The following AGMO variants were observed in gnomAD, a reference collection of about 807,000 sequenced individuals.
The protein encoded by AGMO is alkylglycerol monooxygenase, also known as glyceryl-ether monooxygenase.
AGMO carries 75 observed loss-of-function variants against 60.2 expected under a neutral mutation model. The ratio of observed to expected loss-of-function variants is 1.25; its 90% confidence interval spans 1.03 to 1.51. The LOEUF (loss-of-function observed/expected upper bound fraction) is 1.51. Among genes scored for constraint, AGMO ranks in the 40% most tolerant of loss-of-function variants. The pLI is 0.00. For missense variants in AGMO, 763 were observed against 525.5 expected (o/e 1.45, Z -4.42); for synonymous variants, 261 against 177.1 (o/e 1.47, Z -3.76).
At chr7:15,155,419 C>CTTTTTTTTT in the AGMO span, among the ~76,000 whole-genome samples, 54 of 63,928 alleles carry the variant, frequency 8.4e-4, 1 homozygote, top group Admixed American at 9.8e-4. Context: ...TACAGAATTT[C>CTTTTTTTTT]TTTTTTTTTT....
chr7:15,521,029 A>G (rs1308419305), intron 3 of AGMO, among the ~76,000 whole-genome samples: 1 of 152,218 alleles, frequency 6.6e-6, no homozygotes, highest in Non-Finnish European at 1.5e-5. Flanking sequence ...CACTGATCCC[A>G]CAGAAATACA....
At chr7:15,313,529 CAG>C (rs1402605971) in intron 12 of AGMO, among the ~76,000 whole-genome samples, 1 of 152,114 alleles carries the variant, frequency 6.6e-6, no homozygotes, top group Non-Finnish European at 1.5e-5. Flanking sequence ...TTATATTTTG[CAG>C]AGTCAAAGGA....
chr7:15,394,243 T>C (rs1583501974), intron 5 of AGMO, 64 bp from the exon 6 acceptor site: 3 of 1,183,734 alleles, frequency 2.5e-6, no homozygotes, highest in East Asian at 2.4e-5. Context: ...AGTATATAAA[T>C]GCTCACATTA....
chr7:15,436,097 G>A (rs28542942), intron 3 of AGMO, among the ~76,000 whole-genome samples: 12,433 of 152,132 alleles, frequency 0.082, 679 homozygotes, highest in African/African-American at 0.15. Context: ...AATATTATAG[G>A]CCTATTTGCA....
chr7:15,347,325 AAATGCCAAACT>A (rs1782070000), intron 12 of AGMO, among the ~76,000 whole-genome samples: 1 of 152,114 alleles, frequency 6.6e-6, no homozygotes, highest in African/African-American at 2.4e-5. Flanking sequence ...TGTGAATTGT[AAATGCCAAACT>A]AGATAATTAG....
In AGMO at chr7:15,555,138, T is replaced by C. The variant is rs538831856; in HGVS notation, c.257+5003A>G. ...CTGATTTGGCCAGATTATACAAAAC[T>C]AAAAAAAAATTAGATATTTTTATTT... On this transcript the variant is annotated intron_variant, in intron 2 of 12. Transcript: ENST00000342526. Among the ~76,000 whole-genome samples, 14 of 150,018 alleles carry C rather than the reference T, an allele frequency of 9.3e-5. No individual in the cohort carries two copies. The East Asian group carries it at 1.2e-3, about 12-fold the overall frequency.
intron 3 of AGMO, among the ~76,000 whole-genome samples, chr7:15,442,539 C>A (rs1489417653): frequency 6.6e-6 from 1 of 152,116 alleles, no homozygotes; most frequent in Non-Finnish European, 1.5e-5. Context: ...GACATTACAT[C>A]CAAACCCAAA....
intron 12 of AGMO, among the ~76,000 whole-genome samples, chr7:15,341,719 T>C (rs192614473): frequency 6.6e-6 from 1 of 152,196 alleles, no homozygotes; most frequent in Non-Finnish European, 1.5e-5. Flanking sequence ...GAGTGGGTAA[T>C]TTATAAAGGA....
the AGMO span, among the ~76,000 whole-genome samples, chr7:15,121,695 A>T: frequency 1.3e-5 from 2 of 152,140 alleles, no homozygotes; most frequent in Non-Finnish European, 2.9e-5. Context: ...AGGCTACAGT[A>T]ACCAAAACAG....
At chr7:15,464,627 T>G (rs1281420558) in intron 3 of AGMO, among the ~76,000 whole-genome samples, 1 of 152,086 alleles carries the variant, frequency 6.6e-6, no homozygotes, top group Non-Finnish European at 1.5e-5. Flanking sequence ...AAACTTTCAG[T>G]GAAATGGGCC....
chr7:15,206,520 T>C (rs1228717316), intron 12 of AGMO, among the ~76,000 whole-genome samples: 2 of 152,128 alleles, frequency 1.3e-5, no homozygotes, highest in Non-Finnish European at 2.9e-5. Context: ...TTAAGGTTTT[T>C]TCCTATCTAA....
chr7:15,354,428 A>ATG (rs1563105534), intron 12 of AGMO, among the ~76,000 whole-genome samples: 431 of 23,256 alleles, frequency 0.019, 27 homozygotes, highest in South Asian at 0.037. Context: ...GTATACACAC[A>ATG]CGTGTGTGTA....
In AGMO at chr7:15,314,344, C is replaced by T. The variant is rs114086467; in HGVS notation, c.1263+51170G>A. Among the ~76,000 whole-genome samples the T allele has an allele frequency of 2.7e-3, 405 of 152,122 alleles. 1 individual carries two copies. The highest frequency in any genetic ancestry group is 9.5e-3 in the African/African-American group (395 of 41,490). ...CAAAGCTGCAGATAAGATGGGACTA[C>T]AGTAATGATATAATTGAGTCATACA... On this transcript the variant is annotated intron_variant, in intron 12 of 12. Transcript: ENST00000342526.
Position 15,413,847 on chromosome 7 carries a change from G to C in AGMO, c.609+4711C>G, listed in dbSNP as rs1208997013. Among the ~76,000 whole-genome samples, 3 of 152,026 alleles carry C rather than the reference G, an allele frequency of 2.0e-5. No homozygotes were observed. The East Asian group carries it at 5.8e-4, about 29-fold the overall frequency. The stretch of plus-strand genomic sequence containing the variant: ...TTCAGTCTGAAAAGAAATAATAACA[G>C]TTGAAAACTTAGGTTAATGGAAAGA... On this transcript the variant is annotated intron_variant, in intron 5 of 12. Coordinates refer to ENST00000342526, the MANE Select transcript of AGMO (RefSeq NM_001004320.2).
intron 12 of AGMO, among the ~76,000 whole-genome samples, chr7:15,302,002 A>C (rs1444854147): frequency 6.6e-6 from 1 of 152,166 alleles, no homozygotes; most frequent in Non-Finnish European, 1.5e-5. Flanking sequence ...ACTTTTTCTT[A>C]ATGTTTTATT....
chr7:15,311,017 G>A (rs1195021718), intron 12 of AGMO, among the ~76,000 whole-genome samples: 1 of 152,028 alleles, frequency 6.6e-6, no homozygotes, highest in African/African-American at 2.4e-5. Flanking sequence ...GGCCCACCTG[G>A]ACAATGTAGG....
downstream of AGMO, among the ~76,000 whole-genome samples, chr7:15,197,560 TG>T (rs1294160223): frequency 1.3e-5 from 2 of 152,182 alleles, no homozygotes; most frequent in Non-Finnish European, 2.9e-5. Flanking sequence ...TGAGATGATA[TG>T]GAAGTAAATG....
At chr7:15,308,402 C>T (rs957769588) in intron 12 of AGMO, among the ~76,000 whole-genome samples, 2 of 152,080 alleles carry the variant, frequency 1.3e-5, no homozygotes, top group African/African-American at 4.8e-5. Flanking sequence ...GAAGACTTTT[C>T]TGACCTGCCA....
At chr7:15,436,040 G>T (rs73288443) in intron 3 of AGMO, among the ~76,000 whole-genome samples, 1 of 152,098 alleles carries the variant, frequency 6.6e-6, no homozygotes, top group Non-Finnish European at 1.5e-5. Context: ...GAATGATGAT[G>T]TTGGTTTCAC....
Sources: gnomAD v4.1 joint callset for allele counts (sites outside exome capture counted in the v4.1 genomes callset) on GRCh38, gnomAD v4.1.1 for gene constraint, MANE v1.5 for transcripts, NCBI Gene and HGNC (gene_info 2026-07-23, HGNC 2026-07-21) for gene names.